Variants in PIEZO2 observed in about 807,000 individuals in gnomAD.
PIEZO2 encodes piezo-type mechanosensitive ion channel component 2.
In PIEZO2, 172 loss-of-function variants were observed where a neutral mutation model predicts 337.3. That is an observed-to-expected ratio of 0.51 (90% confidence interval 0.45 to 0.58). The LOEUF is 0.58. Ranked by LOEUF, PIEZO2 falls within the 20% of genes least tolerant of loss-of-function variation. The pLI, the probability that PIEZO2 is intolerant of heterozygous loss-of-function variation, is 0.00. For synonymous variants in PIEZO2, 1,251 were observed against 1,228.5 expected, an observed-to-expected ratio of 1.02 and a Z score of -0.38; for missense variants, 3,028 against 3,391.3, an observed-to-expected ratio of 0.89 and a Z score of 2.66.
At chr18:10,949,637 C>G (rs887317576) in intron 3 of PIEZO2, among the ~76,000 whole-genome samples, 2 of 152,218 alleles carry the variant, frequency 1.3e-5, no homozygotes, top group Non-Finnish European at 2.9e-5. Context: ...GTTGTGACAC[C>G]AGCCACAATT....
intron 2 of PIEZO2, among the ~76,000 whole-genome samples, chr18:11,010,890 A>G (rs1395189833): frequency 2.0e-5 from 3 of 152,246 alleles, no homozygotes; most frequent in Non-Finnish European, 4.4e-5. Flanking sequence ...ATATTAGTGT[A>G]TGCTTAACTT....
chr18:10,879,568 T>C (rs928877688), intron 4 of PIEZO2, among the ~76,000 whole-genome samples: 3 of 152,038 alleles, frequency 2.0e-5, no homozygotes, highest in South Asian at 2.1e-4. Flanking sequence ...GCTAATTTTT[T>C]GTATTTTTAG....
chr18:11,126,022 T>C lies in PIEZO2; in HGVS notation c.64+22503A>G, dbSNP rs989696877. Among the ~76,000 whole-genome samples the C allele has an allele frequency of 6.6e-6, 1 of 152,084 alleles. No individual in the cohort carries two copies. Among genetic ancestry groups the C allele is most frequent in the Non-Finnish European group, 1.5e-5 (1 of 68,016 alleles). On this transcript the variant is annotated intron_variant, in intron 1 of 55. Transcript: ENST00000674853. This position sits in a 1 kb window ranked among gnomAD's most constrained non-coding sequence, Gnocchi z 4.6. Reference sequence around the variant, plus strand: ...GTGTTGTCAAAGCATGCATAATGACTCCATTTATTTTCCAAAATACGTTAA... The same window carrying C: ...GTGTTGTCAAAGCATGCATAATGACCCCATTTATTTTCCAAAATACGTTAA...
At chr18:10,697,593 A>G (rs1329499522) in intron 45 of PIEZO2, among the ~76,000 whole-genome samples, 155 bp downstream of exon 45, 1 of 152,268 alleles carries the variant, frequency 6.6e-6, no homozygotes, top group African/African-American at 2.4e-5. Flanking sequence ...TGATTTTTAA[A>G]AACAAGACAA....
At chr18:10,710,916 A>G (rs960892056) in intron 39 of PIEZO2, among the ~76,000 whole-genome samples, 48 of 152,242 alleles carry the variant, frequency 3.2e-4, no homozygotes, top group Admixed American at 1.3e-4. Context: ...TTTACTGGCA[A>G]CAAGATAGGC....
In PIEZO2 at chr18:11,066,372, T is replaced by C. The variant is rs1371538475; in HGVS notation, c.65-150A>G. 22 of 606,380 alleles carry C rather than the reference T, an allele frequency of 3.6e-5. No individual in the cohort carries two copies. The Admixed American group carries it at 4.3e-4, about 12-fold the overall frequency. The allele number at this position is 606,380 out of a possible 1,614,324, so 37.6% of individuals were successfully genotyped here. Reference sequence around the variant, plus strand: ...GATATGTCAATTAAACAGTAATAAATTAGGTATTTATTCTATGTTCATCAC... The same window carrying C: ...GATATGTCAATTAAACAGTAATAAACTAGGTATTTATTCTATGTTCATCAC... On this transcript the variant is annotated intron_variant, in intron 1 of 55. Transcript: ENST00000674853.
At chr18:11,130,684 C>G (rs1479691391) in intron 1 of PIEZO2, among the ~76,000 whole-genome samples, 1 of 152,196 alleles carries the variant, frequency 6.6e-6, no homozygotes, top group East Asian at 1.9e-4. Context: ...AGTACAATTT[C>G]TAGGGGTCCA....
At chr18:10,808,730 C>T (rs1419865583) in intron 7 of PIEZO2, among the ~76,000 whole-genome samples, 3 of 152,158 alleles carry the variant, frequency 2.0e-5, no homozygotes, top group Admixed American at 1.3e-4. Context: ...TTATGCCCCA[C>T]TTAGAATGGT....
chr18:10,770,015 G>A (rs995187781), intron 21 of PIEZO2, 133 bp downstream of exon 21: 3 of 941,098 alleles, frequency 3.2e-6, no homozygotes, highest in Non-Finnish European at 4.6e-6. Flanking sequence ...GTAAGTGTAA[G>A]TACTTAGTCT....
intron 47 of PIEZO2, among the ~76,000 whole-genome samples, chr18:10,695,774 A>G (rs1198119460): frequency 2.0e-5 from 3 of 152,196 alleles, no homozygotes; most frequent in African/African-American, 4.8e-5. Flanking sequence ...GTAGAGAGAA[A>G]CACAGCACAA....
Position 10,849,614 on chromosome 18 carries a change from C to T in PIEZO2, c.917+5739G>A, listed in dbSNP as rs986579975. On this transcript the variant is annotated intron_variant, in intron 7 of 55. Transcript: ENST00000674853. ...ATCCCTGAACCGTAAACGGGGCCAG[C>T]CCTACAAGTAGGAAACGCATGAGGA... Among the ~76,000 whole-genome samples, 9 of 152,246 alleles carry T rather than the reference C, an allele frequency of 5.9e-5. No individual in the cohort carries two copies. In the South Asian group the frequency reaches 1.7e-3, roughly 28 times the overall value.
In PIEZO2 at chr18:10,783,977, C is replaced by T. The variant is rs988039309; in HGVS notation, c.2492+807G>A. ...CAAATAATTAAGGAGAATTTTCATC[C>T]GTGGCCTCTGTGCTCCTCTCAATAC... On this transcript the variant is annotated intron_variant, in intron 17 of 55. Coordinates refer to ENST00000674853, the MANE Select transcript of PIEZO2 (RefSeq NM_001378183.1). The surrounding 1 kb of genome is among the most constrained non-coding windows in gnomAD (Gnocchi z 4.3). Among the ~76,000 whole-genome samples, 31 of 152,256 alleles carry T rather than the reference C, an allele frequency of 2.0e-4. 1 individual carries two copies. The highest frequency in any genetic ancestry group is 6.7e-4 in the African/African-American group (28 of 41,544).
intron 36 of PIEZO2, among the ~76,000 whole-genome samples, chr18:10,722,592 G>A (rs1264279291): frequency 1.3e-5 from 2 of 151,784 alleles, no homozygotes. Context: ...AGACCCATTT[G>A]ACACAAGAAA....
chr18:10,710,496 G>A (rs948597837), intron 39 of PIEZO2, among the ~76,000 whole-genome samples: 6 of 152,318 alleles, frequency 3.9e-5, no homozygotes, highest in Admixed American at 3.9e-4. Flanking sequence ...AATGTTTTCT[G>A]TGTTATCTGA....
At chr18:10,725,728 C>G (rs73943390) in intron 36 of PIEZO2, among the ~76,000 whole-genome samples, 7,720 of 152,258 alleles carry the variant, frequency 0.051, 650 homozygotes, top group African/African-American at 0.18. Flanking sequence ...GACTTCTCTC[C>G]ACAGTGGCGG....
At position 11,109,875 on chromosome 18, in the gene PIEZO2, T is replaced by C. The variant is rs2039679591; in HGVS notation, c.64+38650A>G. Among the ~76,000 whole-genome samples the C allele has an allele frequency of 6.6e-6, 1 of 152,226 alleles. No homozygotes were observed. The highest frequency in any genetic ancestry group is 2.4e-5 in the African/African-American group (1 of 41,456). Reference sequence around the variant, plus strand: ...TGCTTTCCTTTACTGAAATTTCTAGTTAGATTTGACTTTATTATAGTCATC... The same window carrying C: ...TGCTTTCCTTTACTGAAATTTCTAGCTAGATTTGACTTTATTATAGTCATC... On this transcript the variant is annotated intron_variant, in intron 1 of 55. Coordinates refer to ENST00000674853, the MANE Select transcript of PIEZO2 (RefSeq NM_001378183.1). The surrounding 1 kb of genome is among the most constrained non-coding windows in gnomAD (Gnocchi z 5.1).
At chr18:10,869,461 TAAAAAAC>T (rs1329866947) in intron 5 of PIEZO2, among the ~76,000 whole-genome samples, 1 of 152,044 alleles carries the variant, frequency 6.6e-6, no homozygotes, top group East Asian at 1.9e-4. Flanking sequence ...GAACTTAAGT[TAAAAAAC>T]AAACAAACAA....
At chr18:10,890,520 A>G (rs911859262) in intron 4 of PIEZO2, 1 of 152,262 alleles carries the variant, frequency 6.6e-6, no homozygotes, top group African/African-American at 2.4e-5. Context: ...ACTTAAAATC[A>G]TGGCAGAAGA....
At chr18:10,769,499 T>A (rs996196818) in intron 21 of PIEZO2, among the ~76,000 whole-genome samples, 1 of 152,238 alleles carries the variant, frequency 6.6e-6, no homozygotes, top group Admixed American at 6.5e-5. Flanking sequence ...AGTACTCCCT[T>A]GATTAATTTT....
Sources: allele counts gnomAD v4.1 joint callset (sites outside exome capture counted in the v4.1 genomes callset), GRCh38; gene constraint gnomAD v4.1.1; non-coding constraint Gnocchi (gnomAD v3.1); transcripts MANE v1.5; gene names NCBI Gene and HGNC (gene_info 2026-07-23, HGNC 2026-07-21).